PDE11A: variants seen among roughly 807,000 people sequenced by gnomAD.
The protein encoded by PDE11A is dual 3',5'-cyclic-AMP and -GMP phosphodiesterase 11A.
PDE11A carries 100 observed loss-of-function variants against 100.5 expected under a neutral mutation model. That is an observed-to-expected ratio of 1.00 (90% CI 0.85 to 1.18). The LOEUF (loss-of-function observed/expected upper bound fraction) is 1.18. Ranked by LOEUF, PDE11A falls within the 50% of genes most tolerant of loss-of-function variation. PDE11A has a pLI of 0.00. For synonymous variants in PDE11A, 381 were observed against 420.8 expected, an observed-to-expected ratio of 0.91 and a Z score of 1.16; for missense variants, 1,141 against 1,152.6, an observed-to-expected ratio of 0.99 and a Z score of 0.15.
At chr2:178,061,647 C>T (rs1466182003) in intron 1 of PDE11A, among the ~76,000 whole-genome samples, 1 of 152,172 alleles carries the variant, frequency 6.6e-6, no homozygotes, top group African/African-American at 2.4e-5. Context: ...TTTGACTTCA[C>T]TTGGTAGTAA....
chr2:177,990,784 C>T (rs1410971236), intron 2 of PDE11A, among the ~76,000 whole-genome samples: 2 of 147,884 alleles, frequency 1.4e-5, no homozygotes, highest in Non-Finnish European at 3.0e-5. Flanking sequence ...CGTGGTGGCT[C>T]ATGCCTGTAA....
At chr2:177,930,877 T>G (rs2105763303) in intron 2 of PDE11A, among the ~76,000 whole-genome samples, 1 of 152,326 alleles carries the variant, frequency 6.6e-6, no homozygotes, top group Admixed American at 6.5e-5. Context: ...GATGGTAGAA[T>G]GCTTAGCCTC....
chr2:178,086,950 T>C (rs916122541), intron 2 of PDE11A, among the ~76,000 whole-genome samples: 1 of 152,180 alleles, frequency 6.6e-6, no homozygotes, highest in Non-Finnish European at 1.5e-5. Flanking sequence ...AAAGAAATAA[T>C]TGTAACAAGA....
At chr2:178,077,951 G>A (rs907789053) in intron 2 of PDE11A, among the ~76,000 whole-genome samples, 4 of 152,060 alleles carry the variant, frequency 2.6e-5, no homozygotes, top group Non-Finnish European at 4.4e-5. Context: ...TCAATCTTCT[G>A]AATGCCTTGA....
chr2:178,033,836 C>T (rs1359577172), intron 1 of PDE11A, among the ~76,000 whole-genome samples: 2 of 152,188 alleles, frequency 1.3e-5, no homozygotes, highest in African/African-American at 4.8e-5. Context: ...CCTTTCCAGA[C>T]AAGCAAATGC....
At chr2:177,653,334 G>A (rs1454520869) in intron 19 of PDE11A, among the ~76,000 whole-genome samples, 1 of 152,160 alleles carries the variant, frequency 6.6e-6, no homozygotes. Context: ...GGCTACACAG[G>A]CTGTTGACCT....
At chr2:177,678,982 G>C (rs556883820) in intron 16 of PDE11A, among the ~76,000 whole-genome samples, 1 of 151,486 alleles carries the variant, frequency 6.6e-6, no homozygotes, top group Non-Finnish European at 1.5e-5. Context: ...AGTGGATGGT[G>C]GGGGGAAGAA....
chr2:177,898,246 A>G (rs2084642382), intron 3 of PDE11A, 48 bp from the exon 4 acceptor site: 3 of 1,389,712 alleles, frequency 2.2e-6, no homozygotes, highest in South Asian at 2.5e-5. Flanking sequence ...AAACTGAAAA[A>G]AAGTTGCTTT....
intron 2 of PDE11A, among the ~76,000 whole-genome samples, chr2:177,998,928 C>T (rs1046020680): frequency 6.6e-6 from 1 of 152,236 alleles, no homozygotes; most frequent in Non-Finnish European, 1.5e-5. Flanking sequence ...CAACAAGCCA[C>T]ATCATCCGGA....
chr2:177,947,510 C>G (rs372629971), intron 2 of PDE11A, among the ~76,000 whole-genome samples: 9 of 152,122 alleles, frequency 5.9e-5, no homozygotes, highest in East Asian at 1.9e-4. Flanking sequence ...GTCCACTCAG[C>G]GTTGAATGGA....
intron 10 of PDE11A, among the ~76,000 whole-genome samples, chr2:177,748,556 A>C (rs1308887338): frequency 6.6e-6 from 1 of 152,162 alleles, no homozygotes; most frequent in Non-Finnish European, 1.5e-5. Flanking sequence ...AAGAGTCATG[A>C]ACTATGTAGG....
intron 2 of PDE11A, among the ~76,000 whole-genome samples, chr2:177,943,078 A>T (rs976374757): frequency 6.6e-6 from 1 of 152,196 alleles, no homozygotes; most frequent in Non-Finnish European, 1.5e-5. Context: ...AAAATATTCC[A>T]TTGTAGGTGT....
chr2:178,083,515 G>C (rs1000609604), intron 2 of PDE11A, among the ~76,000 whole-genome samples: 4 of 152,158 alleles, frequency 2.6e-5, no homozygotes, highest in African/African-American at 9.7e-5. Flanking sequence ...TGACACACTT[G>C]TTTTTCCAAA....
At chr2:178,075,657 C>CCCTTCTAT (rs1423041982), upstream of PDE11A, among the ~76,000 whole-genome samples, 1 of 151,962 alleles carries the variant, frequency 6.6e-6, no homozygotes, top group South Asian at 2.1e-4. Context: ...TCTTTTCCCT[C>CCCTTCTAT]CCTTCTATCA....
At chr2:177,811,071 T>C (rs1413150368) in intron 9 of PDE11A, among the ~76,000 whole-genome samples, 2 of 152,176 alleles carry the variant, frequency 1.3e-5, no homozygotes, top group African/African-American at 4.8e-5. Flanking sequence ...AAGGCTTCAT[T>C]TGCAGTAACT....
intron 2 of PDE11A, among the ~76,000 whole-genome samples, chr2:178,083,647 CAT>C (rs781244367): frequency 6.6e-5 from 10 of 152,140 alleles, no homozygotes; most frequent in Non-Finnish European, 1.5e-4. Context: ...AGTAGTTCCT[CAT>C]ACCTTTGATT....
At chr2:177,965,381 T>G (rs2085685885) in intron 2 of PDE11A, among the ~76,000 whole-genome samples, 1 of 152,176 alleles carries the variant, frequency 6.6e-6, no homozygotes, top group African/African-American at 2.4e-5. Context: ...AGTTCCCATT[T>G]GTCAATTTTT....
chr2:177,652,482 T>A (rs1451253006), intron 19 of PDE11A, among the ~76,000 whole-genome samples: 2 of 151,870 alleles, frequency 1.3e-5, no homozygotes, highest in Non-Finnish European at 2.9e-5. Flanking sequence ...GATGGGAAGG[T>A]CAATTGTGCC....
At chr2:177,789,148 T>C (rs560454686) in intron 9 of PDE11A, among the ~76,000 whole-genome samples, 52 of 152,168 alleles carry the variant, frequency 3.4e-4, no homozygotes, top group Non-Finnish European at 6.3e-4. Context: ...AATAAAGTAC[T>C]GGCAAACCGA....
Sources: gnomAD v4.1 joint callset for allele counts (sites outside exome capture counted in the v4.1 genomes callset) on GRCh38, gnomAD v4.1.1 for gene constraint, MANE v1.5 for transcripts, NCBI Gene and HGNC (gene_info 2026-07-23, HGNC 2026-07-21) for gene names.